The following TLR6 variants were observed in gnomAD, a reference collection of about 807,000 sequenced individuals.
The protein encoded by TLR6 is toll like receptor 6, also known as toll-like receptor 6.
Under a neutral mutation model 16.1 loss-of-function variants are expected in TLR6, and 9 were observed. That is an observed-to-expected ratio of 0.56 (90% confidence interval 0.34 to 0.98). TLR6 has a LOEUF of 0.98. Ranked by LOEUF, TLR6 falls within the 50% of genes least tolerant of loss-of-function variation. The probability of loss-of-function intolerance (pLI) is 0.02; values close to 1 mark genes in which losing one functional copy is unlikely to be tolerated. For synonymous variants in TLR6, 340 were observed against 338.6 expected (o/e 1.00, Z -0.04); for missense variants, 786 against 921.0 (o/e 0.85, Z 1.90).
exon 2 of TLR6, chr4:38,825,460 G>A (rs935848234): frequency 1.3e-5 from 2 of 152,220 alleles, no homozygotes; most frequent in South Asian, 2.1e-4. Flanking sequence ...ATTACACAAA[G>A]AGGAGCAGAT....
chr4:38,827,300 TGAAA>T lies in TLR6; in HGVS notation c.2170_2173del (p.Phe724MetfsTer7), dbSNP rs775914651. The T allele has an allele frequency of 1.1e-5, 18 of 1,614,160 alleles. No individual in the cohort carries two copies. Among genetic ancestry groups the T allele is most frequent in the Non-Finnish European group, 1.5e-5 (18 of 1,180,026 alleles). The stretch of plus-strand genomic sequence containing the variant: ...GAGGATTAAGTTATTAGATCCTTCA[TGAAA>T]GAGATTGTGATGGGCAAAATAGAGT... On this transcript the variant is annotated frameshift_variant, in exon 2 of 2. Coordinates refer to ENST00000436693, the Ensembl canonical transcript of TLR6. LOFTEE classifies it high-confidence loss of function.
intron 1 of TLR6, among the ~76,000 whole-genome samples, chr4:38,854,379 A>G (rs1712884898): frequency 6.6e-6 from 1 of 152,222 alleles, no homozygotes; most frequent in Non-Finnish European, 1.5e-5. Flanking sequence ...CTATTTTAGG[A>G]AAATGTAATT....
intron 1 of TLR6, among the ~76,000 whole-genome samples, chr4:38,848,651 A>G (rs963505979): frequency 1.3e-5 from 2 of 152,370 alleles, no homozygotes; most frequent in African/African-American, 4.8e-5. Flanking sequence ...TCAGTAGCTG[A>G]TTTGATCAAC....
intron 1 of TLR6, among the ~76,000 whole-genome samples, chr4:38,830,326 TA>T (rs2109416246): frequency 6.6e-6 from 1 of 152,330 alleles, no homozygotes; most frequent in South Asian, 2.1e-4. Flanking sequence ...ACAGAAAATG[TA>T]ATAGCCACAC....
intron 1 of TLR6, among the ~76,000 whole-genome samples, chr4:38,832,711 G>C (rs1243891372): frequency 6.6e-6 from 1 of 152,074 alleles, no homozygotes; most frequent in Non-Finnish European, 1.5e-5. Context: ...TCCACCTAGA[G>C]GGCTACAGCA....
At chr4:38,868,379 C>G in the TLR6 span, 4 of 152,932 alleles carry the variant, frequency 2.6e-5, no homozygotes, top group Non-Finnish European at 5.8e-5. Context: ...CTCCCCTCGC[C>G]TTACTCCTCC....
intron 1 of TLR6, among the ~76,000 whole-genome samples, chr4:38,844,613 GTCTAAGTC>G (rs1420734410): frequency 1.3e-5 from 2 of 152,164 alleles, no homozygotes; most frequent in Non-Finnish European, 2.9e-5. Flanking sequence ...AACATCATAT[GTCTAAGTC>G]TCTAGAGTTC....
chr4:38,862,154 C>G, the TLR6 span, among the ~76,000 whole-genome samples: 3 of 152,184 alleles, frequency 2.0e-5, no homozygotes, highest in Non-Finnish European at 2.9e-5. Flanking sequence ...CTCTCTGTGC[C>G]AAGAGCCAGC....
At chr4:38,844,533 T>C (rs901568857) in intron 1 of TLR6, among the ~76,000 whole-genome samples, 3 of 148,632 alleles carry the variant, frequency 2.0e-5, no homozygotes, top group Non-Finnish European at 4.5e-5. Context: ...AATAAAAACA[T>C]ATATGGAAAT....
the TLR6 span, among the ~76,000 whole-genome samples, chr4:38,863,487 T>G: frequency 6.6e-6 from 1 of 152,274 alleles, no homozygotes; most frequent in South Asian, 2.1e-4. Flanking sequence ...CCATTACTGT[T>G]GCAAGCCAAA....
At chr4:38,839,155 G>T (rs925322838) in intron 1 of TLR6, among the ~76,000 whole-genome samples, 1 of 144,386 alleles carries the variant, frequency 6.9e-6, no homozygotes, top group Admixed American at 7.0e-5. Flanking sequence ...GGAGGGAAGG[G>T]GGGGAAGATC....
chr4:38,824,933 A>C (rs1222796573), exon 2 of TLR6: 1 of 152,436 alleles, frequency 6.6e-6, no homozygotes, highest in Non-Finnish European at 1.5e-5. Flanking sequence ...AGTAGCTGGG[A>C]CTACAGGTGC....
chr4:38,850,468 T>C (rs956126820), intron 1 of TLR6, among the ~76,000 whole-genome samples: 1 of 151,944 alleles, frequency 6.6e-6, no homozygotes, highest in Non-Finnish European at 1.5e-5. Context: ...ATCAACAAAA[T>C]TGATAGACCT....
Position 38,827,557 on chromosome 4 carries a change from G to T in TLR6, c.1917C>A (p.Asn639Lys), listed in dbSNP as rs776411249. The change falls in exon 2 of 2, where the codon AAC becomes AAA. Residue 639 changes from asparagine to lysine, a missense_variant. By Grantham distance (94) the Asn-to-Lys change is moderately conservative. Coordinates refer to ENST00000436693, the Ensembl canonical transcript of TLR6. ...ATGAAATAAAAGCATGAAACTGGAG[G>T]TTTCTTTGGAGTTCTTCTAAGGGTA... The T allele has an allele frequency of 1.8e-5, 29 of 1,614,158 alleles. No individual in the cohort carries two copies. The highest frequency in any genetic ancestry group is 2.5e-5 in the Non-Finnish European group (29 of 1,180,042).
At chr4:38,857,268 T>TA (rs1018303657), upstream of TLR6, among the ~76,000 whole-genome samples, 5 of 152,008 alleles carry the variant, frequency 3.3e-5, no homozygotes, top group Admixed American at 2.0e-4. Context: ...GGTTTTTTTT[T>TA]AAAAATCAAC....
chr4:38,841,038 AT>A (rs910626550), intron 1 of TLR6, among the ~76,000 whole-genome samples: 4 of 149,734 alleles, frequency 2.7e-5, no homozygotes, highest in South Asian at 2.1e-4. Flanking sequence ...TTTCTTCTTA[AT>A]TTTTTTTGGG....
intron 1 of TLR6, among the ~76,000 whole-genome samples, chr4:38,844,581 AAGCTGTACCCTACAAAAAGAGAAC>A (rs1263390696): frequency 6.6e-6 from 1 of 152,222 alleles, no homozygotes; most frequent in Non-Finnish European, 1.5e-5. Flanking sequence ...ATAGAGACAT[AAGCTGTACCCTACAAAAAGAGAAC>A]ATCATATGTC....
chr4:38,864,022 T>C, the TLR6 span, among the ~76,000 whole-genome samples: 1 of 152,240 alleles, frequency 6.6e-6, no homozygotes, highest in Non-Finnish European at 1.5e-5. Context: ...TTTCTGTGAA[T>C]GCATCATCCA....
intron 1 of TLR6, among the ~76,000 whole-genome samples, chr4:38,847,295 TA>T (rs1477709218): frequency 2.6e-5 from 4 of 152,176 alleles, no homozygotes; most frequent in East Asian, 3.9e-4. Flanking sequence ...ATGCACACAT[TA>T]GGGGGGGTGG....
Sources: allele counts gnomAD v4.1 joint callset (sites outside exome capture counted in the v4.1 genomes callset), GRCh38; gene constraint gnomAD v4.1.1; transcripts MANE v1.5; gene names NCBI Gene and HGNC (gene_info 2026-07-23, HGNC 2026-07-21).